Variants in SH3D19 observed in about 807,000 individuals in gnomAD.
SH3D19 encodes the protein SH3 domain-containing protein 19.
Under a neutral mutation model 112.1 loss-of-function variants are expected in SH3D19, and 58 were observed. That is an observed-to-expected ratio of 0.52 (90% CI 0.42 to 0.64). The LOEUF is 0.64. Ranked by LOEUF, SH3D19 falls within the 30% of genes least tolerant of loss-of-function variation. The pLI, the probability that SH3D19 is intolerant of heterozygous loss-of-function variation, is 0.00. For missense variants in SH3D19, 1,090 were observed against 1,263.4 expected (o/e 0.86, Z 2.08); for synonymous variants, 391 against 448.5 (o/e 0.87, Z 1.62).
chr4:151,152,880 A>C (rs1410510355), intron 9 of SH3D19, among the ~76,000 whole-genome samples: 2 of 151,528 alleles, frequency 1.3e-5, no homozygotes, highest in African/African-American at 4.9e-5. Context: ...CTGTCACCCA[A>C]GCTAGAGTGT....
intron 1 of SH3D19, among the ~76,000 whole-genome samples, chr4:151,244,473 G>C (rs570057216): frequency 2.0e-5 from 3 of 152,166 alleles, no homozygotes; most frequent in African/African-American, 7.2e-5. Context: ...TTTTACACCC[G>C]AGGATCACAA....
chr4:151,279,777 C>T (rs367762580), intron 1 of SH3D19: 106 of 1,612,404 alleles, frequency 6.6e-5, no homozygotes, highest in Non-Finnish European at 9.0e-5. Flanking sequence ...CCACATTTCC[C>T]TTTCTTCTCT....
chr4:151,208,363 A>C (rs938154968), intron 2 of SH3D19, among the ~76,000 whole-genome samples: 1 of 152,104 alleles, frequency 6.6e-6, no homozygotes, highest in Non-Finnish European at 1.5e-5. Context: ...CCCTGCAATA[A>C]ATCTTTATCT....
At chr4:151,178,725 C>A (rs1008743776) in intron 4 of SH3D19, among the ~76,000 whole-genome samples, 4 of 152,174 alleles carry the variant, frequency 2.6e-5, no homozygotes, top group Admixed American at 2.6e-4. Context: ...ATACTGTAAG[C>A]AATTTGACAG....
intron 1 of SH3D19, among the ~76,000 whole-genome samples, chr4:151,264,887 A>G (rs1461420440): frequency 1.3e-5 from 2 of 152,340 alleles, no homozygotes; most frequent in East Asian, 1.9e-4. Context: ...TTAAAATACA[A>G]TAATAGACAC....
At chr4:151,239,689 A>G (rs1223496591) in intron 1 of SH3D19, among the ~76,000 whole-genome samples, 1 of 152,244 alleles carries the variant, frequency 6.6e-6, no homozygotes, top group Non-Finnish European at 1.5e-5. Flanking sequence ...ATATGTTGAC[A>G]GAATTTTAAA....
intron 19 of SH3D19, among the ~76,000 whole-genome samples, chr4:151,125,062 T>TCTTC (rs1748892876): frequency 6.6e-6 from 1 of 152,106 alleles, no homozygotes; most frequent in African/African-American, 2.4e-5. Context: ...TTTCTTTCTT[T>TCTTC]CTTTCTTTCT....
intron 1 of SH3D19, among the ~76,000 whole-genome samples, chr4:151,298,080 C>T (rs1409562674): frequency 6.6e-6 from 1 of 152,138 alleles, no homozygotes; most frequent in Non-Finnish European, 1.5e-5. Context: ...ACAGGATTCT[C>T]CCCTAGAGTC....
At position 151,120,387 on chromosome 4, in the gene SH3D19, C is replaced by G. The variant is rs1747814223; in HGVS notation, c.*1704G>C. On this transcript the variant is annotated 3_prime_UTR_variant, in exon 20 of 20. Transcript: ENST00000604030. ...CAAAACTGAAGATTGAGATTTTCCT[C>G]TAATAAAGATAGGTTTTCAGAATCT... 1 of 152,512 alleles carries G rather than the reference C, an allele frequency of 6.6e-6. No individual in the cohort carries two copies. The highest frequency in any genetic ancestry group is 2.4e-5 in the African/African-American group (1 of 41,396). The allele number at this position is 152,512 out of a possible 1,614,324, so 9.4% of individuals were successfully genotyped here. A position where few individuals can be genotyped will look rare whatever the true frequency, so the allele number is the denominator to read the frequency against.
chr4:151,283,073 T>C, intron 1 of SH3D19: 1 of 1,596,226 alleles, frequency 6.3e-7, no homozygotes, highest in Non-Finnish European at 8.6e-7. Context: ...GCCCCTGCAC[T>C]TTTCTAGGTT....
chr4:151,121,305 T>G lies in SH3D19; in HGVS notation c.*786A>C, dbSNP rs550088539. The stretch of plus-strand genomic sequence containing the variant: ...AATTGTCAAAGGAATGATTGCAGAT[T>G]CAGAAAATGTGCTTTGTAATAACCC... On this transcript the variant is annotated 3_prime_UTR_variant, in exon 20 of 20. Coordinates refer to ENST00000604030, the MANE Select transcript of SH3D19 (RefSeq NM_001378122.1). The G allele has an allele frequency of 2.0e-5, 3 of 152,646 alleles. No homozygotes were observed. Among genetic ancestry groups the G allele is most frequent in the South Asian group, 2.1e-4 (1 of 4,832 alleles). The allele number at this position is 152,646 out of a possible 1,614,324, so 9.5% of individuals were successfully genotyped here. A position where few individuals can be genotyped will look rare whatever the true frequency, so the allele number is the denominator to read the frequency against.
At chr4:151,155,816 G>A (rs1293778827) in intron 9 of SH3D19, among the ~76,000 whole-genome samples, 1 of 152,176 alleles carries the variant, frequency 6.6e-6, no homozygotes, top group African/African-American at 2.4e-5. Context: ...TTGAACCCAG[G>A]AGGTAGAGGT....
intron 9 of SH3D19, among the ~76,000 whole-genome samples, chr4:151,152,605 G>A (rs1462573307): frequency 7.2e-5 from 10 of 139,204 alleles, no homozygotes; most frequent in Middle Eastern, 7.1e-3. Flanking sequence ...CCAAACCTCC[G>A]CCTCCCGGGT....
chr4:151,179,445 G>A (rs1334676331), intron 3 of SH3D19, 48 bp from the exon 4 acceptor site: 2 of 1,130,624 alleles, frequency 1.8e-6, no homozygotes, highest in African/African-American at 1.6e-5. Flanking sequence ...AGTATGTTTG[G>A]TAAGGGTTTA....
At chr4:151,269,744 T>C (rs1014721322) in intron 1 of SH3D19, among the ~76,000 whole-genome samples, 10 of 152,126 alleles carry the variant, frequency 6.6e-5, no homozygotes, top group Admixed American at 2.0e-4. Context: ...CATTGTATAG[T>C]TGTACAAAAA....
At chr4:151,308,887 T>A (rs1188981872) in intron 1 of SH3D19, among the ~76,000 whole-genome samples, 2 of 152,208 alleles carry the variant, frequency 1.3e-5, no homozygotes, top group African/African-American at 4.8e-5. Flanking sequence ...TTTATTTTTT[T>A]AGACGTCTTG....
At chr4:151,234,917 A>C (rs1017985971) in intron 1 of SH3D19, among the ~76,000 whole-genome samples, 1 of 151,400 alleles carries the variant, frequency 6.6e-6, no homozygotes, top group Non-Finnish European at 1.5e-5. Context: ...GTAATTAAAA[A>C]AACTTTTTTT....
chr4:151,256,010 G>A (rs1246541108), intron 1 of SH3D19, among the ~76,000 whole-genome samples: 2 of 119,708 alleles, frequency 1.7e-5, no homozygotes, highest in African/African-American at 5.7e-5. Context: ...CGTGGAAAGA[G>A]AGGGGGAGAG....
chr4:151,221,901 C>T (rs979323572), intron 2 of SH3D19, among the ~76,000 whole-genome samples: 1 of 152,152 alleles, frequency 6.6e-6, no homozygotes, highest in Non-Finnish European at 1.5e-5. Context: ...CAACAATGGA[C>T]CCTCCTTCAA....
Sources: allele counts gnomAD v4.1 joint callset (sites outside exome capture counted in the v4.1 genomes callset), GRCh38; gene constraint gnomAD v4.1.1; transcripts MANE v1.5; gene names NCBI Gene and HGNC (gene_info 2026-07-23, HGNC 2026-07-21).